The following CRIM1 variants were observed in gnomAD, a reference collection of about 807,000 sequenced individuals.
The protein encoded by CRIM1 is cysteine rich transmembrane BMP regulator 1, also known as cysteine-rich motor neuron 1 protein.
CRIM1 carries 32 observed loss-of-function variants against 116.4 expected under a neutral mutation model. The ratio of observed to expected loss-of-function variants is 0.27; its 90% CI spans 0.21 to 0.37. The LOEUF is 0.37. Ranked by LOEUF, CRIM1 falls within the 10% of genes least tolerant of loss-of-function variation. CRIM1 has a pLI of 1.00. For synonymous variants in CRIM1, 590 were observed against 509.2 expected, an observed-to-expected ratio of 1.16 and a Z score of -2.13; for missense variants, 1,331 against 1,354.8, an observed-to-expected ratio of 0.98 and a Z score of 0.28.
intron 13 of CRIM1, among the ~76,000 whole-genome samples, chr2:36,531,192 A>C (rs1199630131): frequency 6.6e-6 from 1 of 152,192 alleles, no homozygotes; most frequent in Non-Finnish European, 1.5e-5. Context: ...AAGCAGCCTG[A>C]CTTCCTCCCA....
intron 2 of CRIM1, among the ~76,000 whole-genome samples, chr2:36,434,451 G>T (rs570740225): frequency 6.6e-6 from 1 of 152,212 alleles, no homozygotes; most frequent in Non-Finnish European, 1.5e-5. Context: ...ACGACTAGTG[G>T]GAAAATCATG....
chr2:36,512,531 T>A, intron 10 of CRIM1, 137 bp downstream of exon 10: 1 of 856,982 alleles, frequency 1.2e-6, no homozygotes, highest in East Asian at 2.6e-5. Context: ...TGTGGGACCG[T>A]CCCACAGGAC....
chr2:36,401,834 A>G (rs1427546267), intron 2 of CRIM1, among the ~76,000 whole-genome samples: 4 of 152,246 alleles, frequency 2.6e-5, no homozygotes, highest in Admixed American at 2.0e-4. Context: ...TTCATCCAGC[A>G]AGTATTTATG....
Position 36,526,608 on chromosome 2 carries a change from T to C in CRIM1, c.2428+4295T>C, listed in dbSNP as rs185533061. ...ACTCATATGCCTGTGGGGATACTCA[T>C]ATCCCCATATGAGCCCTGACCACAT... On this transcript the variant is annotated intron_variant, in intron 13 of 16. Transcript: ENST00000280527. Among the ~76,000 whole-genome samples the C allele has an allele frequency of 1.5e-3, 223 of 152,208 alleles. 1 individual carries two copies. The highest frequency in any genetic ancestry group is 5.3e-3 in the African/African-American group (220 of 41,530).
At chr2:36,409,945 A>G (rs1009037539) in intron 2 of CRIM1, among the ~76,000 whole-genome samples, 2 of 152,230 alleles carry the variant, frequency 1.3e-5, no homozygotes, top group Non-Finnish European at 2.9e-5. Flanking sequence ...CATTCTTTTA[A>G]TGGTGCATAC....
intron 1 of CRIM1, among the ~76,000 whole-genome samples, chr2:36,392,321 A>G (rs1671677832): frequency 6.6e-6 from 1 of 152,242 alleles, no homozygotes; most frequent in African/African-American, 2.4e-5. Context: ...TTATAAACTT[A>G]AAAATACATT....
At chr2:36,525,112 A>G (rs964867705) in intron 13 of CRIM1, among the ~76,000 whole-genome samples, 11 of 152,156 alleles carry the variant, frequency 7.2e-5, no homozygotes, top group Non-Finnish European at 1.3e-4. Context: ...AAGACTTAAC[A>G]TTTGATGAAC....
At position 36,442,694 on chromosome 2, in the gene CRIM1, A is replaced by G. The variant is rs776950526; in HGVS notation, c.828A>G (p.Gln276=). ...TACPPDSYET[Q]VRLTADGCCT... is the part of the protein sequence containing the mutation. ...GTCCCCCGGACAGCTATGAAACTCA[A>G]GTCAGACTAACTGCAGATGGTTGCT... is the stretch of plus-strand genomic sequence containing the variant. The change falls in exon 4 of 17, where the codon CAA becomes CAG. Residue 276 remains glutamine (Q), a synonymous_variant. Transcript: ENST00000280527. 3.1e-6 allele frequency: 5 copies of G among 1,614,064 alleles called. No homozygotes were observed. In the Admixed American group the frequency reaches 8.3e-5, roughly 27 times the overall value.
At chr2:36,415,655 G>T (rs1012246039) in intron 2 of CRIM1, among the ~76,000 whole-genome samples, 9 of 152,138 alleles carry the variant, frequency 5.9e-5, no homozygotes, top group African/African-American at 2.2e-4. Flanking sequence ...ACCAAGGCTA[G>T]CTGGGGGAAA....
At chr2:36,449,160 AT>A (rs1271899854) in intron 4 of CRIM1, among the ~76,000 whole-genome samples, 1 of 152,164 alleles carries the variant, frequency 6.6e-6, no homozygotes, top group African/African-American at 2.4e-5. Flanking sequence ...GACACATGAA[AT>A]TCTAAGTACA....
intron 1 of CRIM1, among the ~76,000 whole-genome samples, chr2:36,388,315 CCTTA>C: frequency 6.6e-6 from 1 of 152,218 alleles, no homozygotes; most frequent in Middle Eastern, 3.4e-3. Flanking sequence ...CTTTGGCTTG[CCTTA>C]CTCTACATAG....
At chr2:36,443,761 C>G (rs1462788627) in intron 4 of CRIM1, among the ~76,000 whole-genome samples, 1 of 152,176 alleles carries the variant, frequency 6.6e-6, no homozygotes, top group Non-Finnish European at 1.5e-5. Flanking sequence ...AAGAGACATC[C>G]AGAATTTGTT....
intron 1 of CRIM1, among the ~76,000 whole-genome samples, chr2:36,396,402 A>G (rs1287463488): frequency 6.6e-6 from 1 of 152,218 alleles, no homozygotes; most frequent in East Asian, 1.9e-4. Flanking sequence ...TAGCTATTTA[A>G]TGCCTACATG....
chr2:36,469,169 C>G (rs189410864), intron 5 of CRIM1, among the ~76,000 whole-genome samples: 12 of 152,262 alleles, frequency 7.9e-5, no homozygotes, highest in African/African-American at 2.6e-4. Flanking sequence ...GAAGAGTACC[C>G]TCTTCCCAGT....
chr2:36,417,824 C>T (rs1295392087), intron 2 of CRIM1, among the ~76,000 whole-genome samples: 1 of 152,124 alleles, frequency 6.6e-6, no homozygotes, highest in Non-Finnish European at 1.5e-5. Context: ...TCATAATTTA[C>T]AGGTACGAGA....
intron 4 of CRIM1, among the ~76,000 whole-genome samples, chr2:36,445,436 G>A (rs892951218): frequency 2.6e-5 from 4 of 152,170 alleles, no homozygotes; most frequent in African/African-American, 9.7e-5. Flanking sequence ...TGGTCTTCAT[G>A]CTTCAACCAA....
At chr2:36,531,771 G>C (rs1027281450) in intron 13 of CRIM1, 6 of 381,514 alleles carry the variant, frequency 1.6e-5, no homozygotes, top group African/African-American at 1.3e-4. Flanking sequence ...TAGGCAGGAG[G>C]GAACCCACAC....
intron 8 of CRIM1, among the ~76,000 whole-genome samples, chr2:36,504,616 C>A (rs1033470770): frequency 6.6e-5 from 10 of 152,152 alleles, no homozygotes; most frequent in African/African-American, 2.4e-4. Flanking sequence ...TCCTCAAAAA[C>A]TTGTTTAGAA....
intron 14 of CRIM1, among the ~76,000 whole-genome samples, chr2:36,539,707 C>T (rs947192940): frequency 2.6e-5 from 4 of 152,042 alleles, no homozygotes; most frequent in African/African-American, 4.8e-5. Context: ...CCATATGAGT[C>T]GCATCAGTAG....
Sources: allele counts gnomAD v4.1 joint callset (sites outside exome capture counted in the v4.1 genomes callset), GRCh38; gene constraint gnomAD v4.1.1; transcripts MANE v1.5; gene names NCBI Gene and HGNC (gene_info 2026-07-23, HGNC 2026-07-21).